Variants in GALNT13 observed in about 807,000 individuals in gnomAD.
GALNT13 encodes UDP-GalNAc:polypeptide N-acetylgalactosaminyltransferase 13.
In GALNT13, 28 loss-of-function variants were observed where a neutral mutation model predicts 64.2. The ratio of observed to expected loss-of-function variants is 0.44; its 90% CI spans 0.32 to 0.60. GALNT13 has a LOEUF of 0.60. Ranked by LOEUF, GALNT13 falls within the 20% of genes least tolerant of loss-of-function variation. The probability of loss-of-function intolerance (pLI) is 0.05; values close to 1 mark genes in which losing one functional copy is unlikely to be tolerated. For missense variants in GALNT13, 577 were observed against 669.8 expected (o/e 0.86, Z 1.53); for synonymous variants, 214 against 224.6 (o/e 0.95, Z 0.42).
chr2:154,291,016 G>A (rs1010313724), intron 8 of GALNT13, among the ~76,000 whole-genome samples: 3 of 152,082 alleles, frequency 2.0e-5, no homozygotes, highest in Admixed American at 2.0e-4. Context: ...CATAAAGGCA[G>A]CCCGGACCCA....
the GALNT13 span, among the ~76,000 whole-genome samples, chr2:153,153,545 T>C: frequency 6.6e-6 from 1 of 152,136 alleles, no homozygotes; most frequent in Non-Finnish European, 1.5e-5. Flanking sequence ...AAGTCTTTAA[T>C]CCATCTTGAG....
At chr2:153,267,731 G>T in the GALNT13 span, among the ~76,000 whole-genome samples, 2 of 152,188 alleles carry the variant, frequency 1.3e-5, no homozygotes, top group Non-Finnish European at 2.9e-5. Context: ...CATTGCCTTG[G>T]CTATTAACAT....
the GALNT13 span, among the ~76,000 whole-genome samples, chr2:153,193,148 A>T: frequency 1.8e-3 from 271 of 152,080 alleles, 1 homozygote; most frequent in African/African-American, 6.3e-3. Context: ...ACACATGCAC[A>T]CGTATATTTA....
At chr2:153,373,426 T>C in the GALNT13 span, among the ~76,000 whole-genome samples, 8 of 152,184 alleles carry the variant, frequency 5.3e-5, no homozygotes, top group African/African-American at 1.9e-4. Context: ...CAGTATCAAA[T>C]ATAATTCCTG....
chr2:154,401,812 C>G (rs539562830), intron 10 of GALNT13, among the ~76,000 whole-genome samples: 8 of 152,162 alleles, frequency 5.3e-5, no homozygotes, highest in African/African-American at 1.9e-4. Context: ...GAAGGGATTT[C>G]AGATATCAGA....
At chr2:154,030,929 C>T (rs1464867836) in intron 3 of GALNT13, among the ~76,000 whole-genome samples, 1 of 152,050 alleles carries the variant, frequency 6.6e-6, no homozygotes, top group African/African-American at 2.4e-5. Flanking sequence ...TAGTTCTTTA[C>T]AGCAGTGTGA....
the GALNT13 span, among the ~76,000 whole-genome samples, chr2:153,280,514 C>T: frequency 6.6e-6 from 1 of 152,028 alleles, no homozygotes; most frequent in Non-Finnish European, 1.5e-5. Context: ...CACTACAAAC[C>T]TTCCTCTTGA....
At chr2:154,238,752 T>C (rs1006917753) in intron 4 of GALNT13, among the ~76,000 whole-genome samples, 1 of 152,044 alleles carries the variant, frequency 6.6e-6, no homozygotes, top group African/African-American at 2.4e-5. Context: ...ACTTAAGGTA[T>C]ACAACTTGAT....
At chr2:153,687,759 C>T in the GALNT13 span, among the ~76,000 whole-genome samples, 2 of 151,774 alleles carry the variant, frequency 1.3e-5, no homozygotes, top group African/African-American at 2.4e-5. Flanking sequence ...GATGATTTAG[C>T]CTATATTGAC....
intron 4 of GALNT13, among the ~76,000 whole-genome samples, chr2:154,207,288 C>G (rs1233054506): frequency 5.3e-5 from 8 of 152,182 alleles, no homozygotes; most frequent in Admixed American, 5.2e-4. Context: ...ATTCTCATCT[C>G]CATAACCTGC....
chr2:154,289,002 G>T (rs1017908188), intron 8 of GALNT13, among the ~76,000 whole-genome samples: 1 of 152,220 alleles, frequency 6.6e-6, no homozygotes, highest in Non-Finnish European at 1.5e-5. Context: ...TCTAGCAAGA[G>T]GTTCTCCCTG....
the GALNT13 span, among the ~76,000 whole-genome samples, chr2:153,250,433 G>A: frequency 1.3e-5 from 2 of 152,214 alleles, no homozygotes; most frequent in Non-Finnish European, 2.9e-5. Flanking sequence ...CATTGTTGGT[G>A]GGAGTGTAAT....
At chr2:153,523,618 A>G in the GALNT13 span, among the ~76,000 whole-genome samples, 4 of 152,116 alleles carry the variant, frequency 2.6e-5, no homozygotes, top group African/African-American at 4.8e-5. Context: ...CCACTTGTTT[A>G]TTGCTGGTAG....
At chr2:153,486,686 T>C in the GALNT13 span, among the ~76,000 whole-genome samples, 4 of 152,204 alleles carry the variant, frequency 2.6e-5, no homozygotes, top group Admixed American at 1.3e-4. Flanking sequence ...GATTTAAAAA[T>C]TCTGACCACT....
At chr2:153,675,748 G>A in the GALNT13 span, among the ~76,000 whole-genome samples, 3 of 152,042 alleles carry the variant, frequency 2.0e-5, no homozygotes, top group Non-Finnish European at 4.4e-5. Flanking sequence ...AATTAAACAA[G>A]CTGCTTCTGG....
intron 8 of GALNT13, among the ~76,000 whole-genome samples, chr2:154,293,040 G>A (rs760696509): frequency 2.4e-4 from 37 of 152,126 alleles, no homozygotes; most frequent in Non-Finnish European, 1.6e-4. Flanking sequence ...AAAAATATCT[G>A]AGAACAAAGA....
At chr2:153,321,620 C>T in the GALNT13 span, among the ~76,000 whole-genome samples, 1 of 152,080 alleles carries the variant, frequency 6.6e-6, no homozygotes, top group East Asian at 1.9e-4. Context: ...AATATTGTAG[C>T]CTAGATTCCC....
the GALNT13 span, among the ~76,000 whole-genome samples, chr2:153,571,635 T>A: frequency 6.6e-6 from 1 of 151,996 alleles, no homozygotes. Context: ...TATACCCAAT[T>A]TTTTGAGGGC....
chr2:154,274,917 G>T (rs1485812065), intron 8 of GALNT13, among the ~76,000 whole-genome samples: 2 of 152,138 alleles, frequency 1.3e-5, no homozygotes, highest in Non-Finnish European at 2.9e-5. Flanking sequence ...ACAAAATGCT[G>T]ATAGTGATAC....
Sources: allele counts gnomAD v4.1 joint callset (sites outside exome capture counted in the v4.1 genomes callset), GRCh38; gene constraint gnomAD v4.1.1; transcripts MANE v1.5; gene names NCBI Gene and HGNC (gene_info 2026-07-23, HGNC 2026-07-21).